The following PLSCR2 variants were observed in gnomAD, a reference collection of about 807,000 sequenced individuals.
PLSCR2 encodes PL scramblase 2.
PLSCR2 carries 18 observed loss-of-function variants against 25.3 expected under a neutral mutation model. The ratio of observed to expected loss-of-function variants is 0.71; its 90% CI spans 0.49 to 1.06. The LOEUF (loss-of-function observed/expected upper bound fraction) is 1.06, where lower values mean the gene tolerates loss of function less well. PLSCR2 is among the 50% of genes least tolerant of loss of function. The pLI is 0.00. For missense variants in PLSCR2, 243 were observed against 269.5 expected (o/e 0.90, Z 0.69); for synonymous variants, 88 against 87.3 (o/e 1.01, Z -0.04).
intron 1 of PLSCR2, among the ~76,000 whole-genome samples, chr3:146,466,523 C>A (rs1241635515): frequency 6.6e-6 from 1 of 152,146 alleles, no homozygotes; most frequent in Admixed American, 6.5e-5. Context: ...ATCAACTAGA[C>A]CCAACTGAAA....
upstream of PLSCR2, among the ~76,000 whole-genome samples, chr3:146,462,453 TC>T (rs1464025555): frequency 3.9e-5 from 5 of 129,344 alleles, no homozygotes. Context: ...TTTTTCTTTT[TC>T]TTTTCTTTTC....
intron 3 of PLSCR2, among the ~76,000 whole-genome samples, chr3:146,392,961 A>G (rs190991963): frequency 6.7e-6 from 1 of 149,578 alleles, no homozygotes; most frequent in Non-Finnish European, 1.5e-5. Context: ...ATTTTATTAC[A>G]TATTTTAAAG....
Position 146,441,822 on chromosome 3 carries a change from C to G in PLSCR2, c.646-1G>C. The G allele has an allele frequency of 6.3e-7, 1 of 1,582,136 alleles. No individual in the cohort carries two copies. The highest frequency in any genetic ancestry group is 8.6e-7 in the Non-Finnish European group (1 of 1,157,572). On this transcript the variant is annotated splice_acceptor_variant, in intron 6 of 6. Transcript: ENST00000610787. LOFTEE classifies it high-confidence loss of function. ...TAGTTCTTTCAAAAAACATGTAGTC[C>G]TGGATAAAAACAAAAATACAGAAAT...
intron 2 of PLSCR2, among the ~76,000 whole-genome samples, chr3:146,404,286 A>G: frequency 6.6e-6 from 1 of 152,196 alleles, no homozygotes; most frequent in East Asian, 1.9e-4. Context: ...CCAAAACTTT[A>G]TAACAATCAT....
intron 1 of PLSCR2, among the ~76,000 whole-genome samples, chr3:146,476,603 G>A (rs2042293209): frequency 6.6e-6 from 1 of 152,218 alleles, no homozygotes; most frequent in East Asian, 1.9e-4. Flanking sequence ...GCAGCTGCTA[G>A]CTGCCTAAGA....
chr3:146,398,996 G>A (rs1050980833), intron 2 of PLSCR2, among the ~76,000 whole-genome samples: 2 of 151,810 alleles, frequency 1.3e-5, no homozygotes, highest in African/African-American at 4.8e-5. Context: ...AGAAGACCAG[G>A]ATTTAGATGT....
intron 2 of PLSCR2, among the ~76,000 whole-genome samples, chr3:146,459,036 T>C (rs147459040): frequency 1.3e-5 from 2 of 152,272 alleles, no homozygotes; most frequent in Admixed American, 1.3e-4. Context: ...GAAATATTTG[T>C]TTATAGATTG....
At chr3:146,490,302 G>T (rs1409382234) in intron 1 of PLSCR2, among the ~76,000 whole-genome samples, 1 of 152,136 alleles carries the variant, frequency 6.6e-6, no homozygotes, top group Admixed American at 6.6e-5. Flanking sequence ...CAAGGCCTGA[G>T]AATATTCCTT....
At chr3:146,419,559 CAT>C in intron 2 of PLSCR2, among the ~76,000 whole-genome samples, 1 of 152,084 alleles carries the variant, frequency 6.6e-6, no homozygotes, top group East Asian at 1.9e-4. Context: ...TAAAACAACA[CAT>C]GTATGATATT....
chr3:146,447,382 T>C (rs998230040), intron 6 of PLSCR2, among the ~76,000 whole-genome samples: 3 of 152,136 alleles, frequency 2.0e-5, no homozygotes, highest in Non-Finnish European at 4.4e-5. Context: ...GGACAGACAT[T>C]AGGACCCAAG....
intron 2 of PLSCR2, among the ~76,000 whole-genome samples, chr3:146,420,388 C>A (rs2039107014): frequency 6.6e-6 from 1 of 151,882 alleles, no homozygotes; most frequent in African/African-American, 2.4e-5. Context: ...ATTAATTTTT[C>A]TATATTTTCA....
At chr3:146,440,577 G>T (rs114350796), downstream of PLSCR2, among the ~76,000 whole-genome samples, 875 of 152,316 alleles carry the variant, frequency 5.7e-3, 9 homozygotes, top group African/African-American at 0.02. Context: ...TCTGAGACAG[G>T]TGTGGGATGT....
intron 3 of PLSCR2, among the ~76,000 whole-genome samples, chr3:146,392,076 A>T (rs1206927182): frequency 6.6e-6 from 1 of 152,004 alleles, no homozygotes; most frequent in South Asian, 2.1e-4. Context: ...GTTTGTTTTA[A>T]TATCTATTTA....
At chr3:146,469,725 A>C (rs1056487724) in intron 1 of PLSCR2, 164 bp from the exon 1 acceptor site, 1 of 270,764 alleles carries the variant, frequency 3.7e-6, no homozygotes, top group African/African-American at 2.3e-5. Context: ...GCGCGGGCTC[A>C]GAGGATCCGG....
chr3:146,493,590 T>A (rs1031655442), intron 1 of PLSCR2, among the ~76,000 whole-genome samples: 17 of 152,100 alleles, frequency 1.1e-4, no homozygotes, highest in Non-Finnish European at 1.2e-4. Context: ...TATTCCTTCA[T>A]GTTAAAAACA....
chr3:146,461,115 T>C (rs564104135), upstream of PLSCR2, among the ~76,000 whole-genome samples: 7 of 152,352 alleles, frequency 4.6e-5, no homozygotes, highest in South Asian at 1.4e-3. Context: ...TAAATGTACA[T>C]TGCAATGATG....
intron 2 of PLSCR2, among the ~76,000 whole-genome samples, chr3:146,405,040 C>T (rs536098454): frequency 6.6e-6 from 1 of 152,154 alleles, no homozygotes; most frequent in African/African-American, 2.4e-5. Context: ...AAATGCCACA[C>T]TTTGAGACGG....
At chr3:146,442,933 A>G (rs560583863) in intron 6 of PLSCR2, among the ~76,000 whole-genome samples, 1 of 152,252 alleles carries the variant, frequency 6.6e-6, no homozygotes, top group African/African-American at 2.4e-5. Context: ...AAGCACAGAC[A>G]GCAAAAGCAA....
At chr3:146,487,701 G>C (rs1039148176) in intron 1 of PLSCR2, among the ~76,000 whole-genome samples, 1 of 152,094 alleles carries the variant, frequency 6.6e-6, no homozygotes, top group Non-Finnish European at 1.5e-5. Flanking sequence ...AACATTCCAT[G>C]CTTGTGAACA....
Sources: allele counts gnomAD v4.1 joint callset (sites outside exome capture counted in the v4.1 genomes callset), GRCh38; gene constraint gnomAD v4.1.1; transcripts MANE v1.5; gene names NCBI Gene and HGNC (gene_info 2026-07-23, HGNC 2026-07-21).